Variants in BCR observed in about 807,000 individuals in gnomAD.
The protein encoded by BCR is breakpoint cluster region protein.
Under a neutral mutation model 138.6 loss-of-function variants are expected in BCR, and 58 were observed. The ratio of observed to expected loss-of-function variants is 0.42; its 90% CI spans 0.34 to 0.52. BCR has a LOEUF of 0.52. BCR is among the 20% of genes least tolerant of loss of function. The probability of loss-of-function intolerance (pLI) is 0.06; values close to 1 mark genes in which losing one functional copy is unlikely to be tolerated. For missense variants in BCR, 1,599 were observed against 1,727.2 expected (o/e 0.93, Z 1.32); for synonymous variants, 786 against 730.1 (o/e 1.08, Z -1.23).
chr22:23,223,820 T>C (rs1297559659), intron 1 of BCR, among the ~76,000 whole-genome samples: 1 of 152,182 alleles, frequency 6.6e-6, no homozygotes, highest in Non-Finnish European at 1.5e-5. Flanking sequence ...GGGGCTTTGA[T>C]TGCTGTCCCC....
chr22:23,282,417 G>A (rs1357859919), intron 8 of BCR, among the ~76,000 whole-genome samples: 3 of 152,214 alleles, frequency 2.0e-5, no homozygotes, highest in Admixed American at 6.5e-5. Flanking sequence ...CAGCCCCTGC[G>A]TAATTCATTG....
chr22:23,182,191 G>C lies in BCR; in HGVS notation c.1231G>C (p.Gly411Arg), dbSNP rs560606583. The C allele has an allele frequency of 3.1e-6, 5 of 1,597,156 alleles. No individual in the cohort carries two copies. In the African/African-American group the frequency reaches 4.0e-5, roughly 13 times the overall value. Residue 411 changes from glycine to arginine, a missense_variant, in exon 1 of 23, where the codon GGG becomes CGG. Coordinates refer to ENST00000305877, the MANE Select transcript of BCR (RefSeq NM_004327.4). Reference protein sequence around the residue: ...EATIVGVRKTGQIWPNDGEGA... With the variant: ...EATIVGVRKTRQIWPNDGEGA... Reference sequence around the variant, plus strand: ...CACCATCGTGGGCGTCCGCAAGACCGGGCAGATCTGGCCCAACGATGGCGA... The same window carrying C: ...CACCATCGTGGGCGTCCGCAAGACCCGGCAGATCTGGCCCAACGATGGCGA...
intron 8 of BCR, among the ~76,000 whole-genome samples, chr22:23,275,306 G>C (rs1287503911): frequency 6.6e-6 from 1 of 152,224 alleles, no homozygotes; most frequent in African/African-American, 2.4e-5. Context: ...GCATCGTGAG[G>C]ACCGACCCAC....
intron 1 of BCR, among the ~76,000 whole-genome samples, chr22:23,214,028 T>C (rs1254528692): frequency 3.9e-5 from 6 of 152,144 alleles, no homozygotes; most frequent in Admixed American, 3.9e-4. Flanking sequence ...CTCAGGAACT[T>C]GCTGTGAAGA....
chr22:23,223,346 A>G (rs1342219884), intron 1 of BCR, among the ~76,000 whole-genome samples: 3 of 152,172 alleles, frequency 2.0e-5, no homozygotes, highest in African/African-American at 4.8e-5. Flanking sequence ...CCAAGTGTCC[A>G]TGTATGGCTG....
chr22:23,264,128 C>A, intron 4 of BCR: 1 of 1,520,320 alleles, frequency 6.6e-7, no homozygotes, highest in Non-Finnish European at 9.1e-7. Flanking sequence ...AGGAGCCCCA[C>A]AACAGCACCC....
At chr22:23,182,297 C>G (rs1239908390) in intron 1 of BCR, 58 bp downstream of exon 1, 12 of 1,456,640 alleles carry the variant, frequency 8.2e-6, no homozygotes, top group Non-Finnish European at 1.1e-5. Context: ...AAACCATAGA[C>G]GAGTAGGGGA....
In BCR at chr22:23,225,298, A is replaced by G. The variant is rs186148657; in HGVS notation, c.1280-28501A>G. Among the ~76,000 whole-genome samples the G allele has an allele frequency of 3.3e-5, 5 of 151,986 alleles. No individual in the cohort carries two copies. The East Asian group carries it at 9.7e-4, about 29-fold the overall frequency. ...ATCATCTGAACCCAGAGTAGCGTGC[A>G]TGGTGATTATTTTGAGATTTCCTCT... On this transcript the variant is annotated intron_variant, in intron 1 of 22. Coordinates refer to ENST00000305877, the MANE Select transcript of BCR (RefSeq NM_004327.4).
At position 23,210,514 on chromosome 22, in the gene BCR, C is replaced by T. The variant is rs576337466; in HGVS notation, c.1279+28275C>T. Among the ~76,000 whole-genome samples, 23 of 152,162 alleles carry T rather than the reference C, an allele frequency of 1.5e-4. No homozygotes were observed. In the South Asian group the frequency reaches 4.3e-3, roughly 29 times the overall value. ...CGTATGTGCATTCAGGTGTAATTTA[C>T]AGACAATGAAAGTCACTCTTGGTAT... On this transcript the variant is annotated intron_variant, in intron 1 of 22. Coordinates refer to ENST00000305877, the MANE Select transcript of BCR (RefSeq NM_004327.4).
At chr22:23,292,044 G>A (rs1210419409) in intron 14 of BCR, among the ~76,000 whole-genome samples, 1 of 152,066 alleles carries the variant, frequency 6.6e-6, no homozygotes, top group Non-Finnish European at 1.5e-5. Flanking sequence ...TGCACCCCAC[G>A]ACTTCTCCAG....
chr22:23,236,433 C>G (rs544049253), intron 1 of BCR, among the ~76,000 whole-genome samples: 69 of 152,342 alleles, frequency 4.5e-4, no homozygotes, highest in African/African-American at 1.3e-3. Context: ...TGTGAATCCA[C>G]TTGTCCTAAT....
chr22:23,205,286 G>A (rs966363634), intron 1 of BCR, among the ~76,000 whole-genome samples: 1 of 152,166 alleles, frequency 6.6e-6, no homozygotes, highest in Non-Finnish European at 1.5e-5. Context: ...TCACTCCTGT[G>A]GGGGTACAGA....
intron 1 of BCR, among the ~76,000 whole-genome samples, chr22:23,229,602 T>G (rs1263612899): frequency 1.3e-5 from 2 of 152,200 alleles, no homozygotes; most frequent in Admixed American, 6.5e-5. Context: ...CACTGAGGGA[T>G]CAGTTTGAAA....
At chr22:23,206,281 G>A (rs186412963) in intron 1 of BCR, among the ~76,000 whole-genome samples, 7 of 152,278 alleles carry the variant, frequency 4.6e-5, no homozygotes, top group Admixed American at 3.9e-4. Flanking sequence ...AGGATAAAAA[G>A]CTAAGAAAAT....
chr22:23,258,228 C>CA (rs2073317484), intron 2 of BCR, among the ~76,000 whole-genome samples: 1 of 151,922 alleles, frequency 6.6e-6, no homozygotes, highest in African/African-American at 2.4e-5. Context: ...AGTGTGCACA[C>CA]ACTTAGGAGA....
At chr22:23,287,971 A>G in intron 11 of BCR, 126 bp from the exon 12 acceptor site, 1 of 872,950 alleles carries the variant, frequency 1.1e-6, no homozygotes, top group South Asian at 1.4e-5. Context: ...GGCCGTGAGC[A>G]CACCTGGCCA....
intron 1 of BCR, chr22:23,199,441 G>C (rs1363120028): frequency 2.4e-6 from 1 of 412,494 alleles, no homozygotes; most frequent in Middle Eastern, 5.3e-4. Flanking sequence ...AGGTTGATGG[G>C]GATGGGCTGG....
At chr22:23,274,381 C>G (rs925001700) in intron 8 of BCR, among the ~76,000 whole-genome samples, 7 of 152,222 alleles carry the variant, frequency 4.6e-5, no homozygotes, top group African/African-American at 1.7e-4. Context: ...CTGAGCCTTC[C>G]TAGGTGTGGC....
chr22:23,303,137 A>G (rs2073921210), intron 16 of BCR, among the ~76,000 whole-genome samples: 1 of 152,152 alleles, frequency 6.6e-6, no homozygotes, highest in South Asian at 2.1e-4. Flanking sequence ...TACTATATAT[A>G]TATAAACTCT....
Sources: gnomAD v4.1 joint callset for allele counts (sites outside exome capture counted in the v4.1 genomes callset) on GRCh38, gnomAD v4.1.1 for gene constraint, MANE v1.5 for transcripts, NCBI Gene and HGNC (gene_info 2026-07-23, HGNC 2026-07-21) for gene names.